Variants in UNC5C observed in about 807,000 individuals in gnomAD.
UNC5C encodes the protein netrin receptor UNC5C.
In UNC5C, 47 loss-of-function variants were observed where a neutral mutation model predicts 99.8. The ratio of observed to expected loss-of-function variants is 0.47; its 90% CI spans 0.37 to 0.60. The LOEUF is 0.60. Among genes scored for constraint, UNC5C ranks in the 20% least tolerant of loss-of-function variants. The pLI is 0.00. For missense variants in UNC5C, 1,062 were observed against 1,165.9 expected, an observed-to-expected ratio of 0.91 and a Z score of 1.30; for synonymous variants, 487 against 452.2, an observed-to-expected ratio of 1.08 and a Z score of -0.98.
At chr4:95,275,842 G>T (rs1452489553) in intron 4 of UNC5C, among the ~76,000 whole-genome samples, 2 of 152,090 alleles carry the variant, frequency 1.3e-5, no homozygotes, top group African/African-American at 4.8e-5. Context: ...AACATATTTT[G>T]CCTGACTCTT....
chr4:95,258,838 T>G (rs1007751573), intron 4 of UNC5C, among the ~76,000 whole-genome samples: 1 of 138,046 alleles, frequency 7.2e-6, no homozygotes, highest in African/African-American at 2.6e-5. Flanking sequence ...CTCGGCTCAC[T>G]GCAAGCTCCG....
chr4:95,542,095 C>T (rs767313584), intron 1 of UNC5C, among the ~76,000 whole-genome samples: 4 of 152,088 alleles, frequency 2.6e-5, no homozygotes, highest in African/African-American at 7.2e-5. Context: ...ATAAAACCCC[C>T]TATCCTCACA....
chr4:95,251,500 T>G (rs528127841), intron 4 of UNC5C, among the ~76,000 whole-genome samples: 3 of 152,234 alleles, frequency 2.0e-5, no homozygotes, highest in Non-Finnish European at 4.4e-5. Flanking sequence ...TTATACTTGC[T>G]GAATAAAAAG....
intron 1 of UNC5C, among the ~76,000 whole-genome samples, chr4:95,425,916 T>C (rs1284522801): frequency 6.6e-6 from 1 of 152,014 alleles, no homozygotes; most frequent in Admixed American, 6.6e-5. Flanking sequence ...CTTCAAAGAG[T>C]TTTTTAATAA....
At chr4:95,288,063 ATTATTTAT>A (rs373317999) in intron 3 of UNC5C, among the ~76,000 whole-genome samples, 5 of 143,176 alleles carry the variant, frequency 3.5e-5, no homozygotes, top group South Asian at 2.3e-4. Flanking sequence ...CACTTTACAG[ATTATTTAT>A]TTATTTATTT....
intron 7 of UNC5C, among the ~76,000 whole-genome samples, chr4:95,224,288 TAAAA>T (rs1353539488): frequency 6.6e-6 from 1 of 151,990 alleles, no homozygotes; most frequent in Admixed American, 6.6e-5. Flanking sequence ...TCTCAAAAAA[TAAAA>T]AGAAAAGAAT....
chr4:95,278,664 G>C (rs1280985690), intron 3 of UNC5C, among the ~76,000 whole-genome samples: 3 of 151,776 alleles, frequency 2.0e-5, no homozygotes, highest in Non-Finnish European at 2.9e-5. Flanking sequence ...ATTTTTTGTA[G>C]AGATAGAGTC....
At chr4:95,399,481 A>G (rs1438567369) in intron 1 of UNC5C, among the ~76,000 whole-genome samples, 1 of 152,192 alleles carries the variant, frequency 6.6e-6, no homozygotes, top group Non-Finnish European at 1.5e-5. Flanking sequence ...ATGGATTCCC[A>G]TGCAGTTAGG....
At chr4:95,203,494 GA>G (rs1737765141) in intron 11 of UNC5C, among the ~76,000 whole-genome samples, 1 of 151,852 alleles carries the variant, frequency 6.6e-6, no homozygotes, top group Non-Finnish European at 1.5e-5. Flanking sequence ...ATTGAAACAG[GA>G]GTCTCACTCT....
chr4:95,512,128 C>T (rs1305946910), intron 1 of UNC5C, among the ~76,000 whole-genome samples: 1 of 152,020 alleles, frequency 6.6e-6, no homozygotes, highest in African/African-American at 2.4e-5. Context: ...CTGGCATGCC[C>T]CATTCCTACA....
At chr4:95,351,508 T>C (rs1182917663) in intron 1 of UNC5C, among the ~76,000 whole-genome samples, 2 of 151,990 alleles carry the variant, frequency 1.3e-5, no homozygotes, top group Non-Finnish European at 2.9e-5. Context: ...TAAGTACAGA[T>C]CCAGTTCCCA....
intron 1 of UNC5C, among the ~76,000 whole-genome samples, chr4:95,527,543 A>G (rs1480032911): frequency 6.6e-6 from 1 of 152,108 alleles, no homozygotes; most frequent in African/African-American, 2.4e-5. Flanking sequence ...TTATGTTGCT[A>G]TCATATAGCT....
At chr4:95,338,857 G>A (rs1743447142) in intron 1 of UNC5C, among the ~76,000 whole-genome samples, 1 of 151,958 alleles carries the variant, frequency 6.6e-6, no homozygotes, top group Non-Finnish European at 1.5e-5. Context: ...AAACAGGACT[G>A]GCTACAAAAT....
rs114846328 is a variant in UNC5C at position 95,220,807 on chromosome 4, C to T, written c.1109-631G>A. On this transcript the variant is annotated intron_variant, in intron 7 of 15. Transcript: ENST00000453304. ...GGGGGACAGAGGTTAATGCTGATAA[C>T]CTTCTCTAAGTCCAGGCTTTGATAC... 6.1e-3 allele frequency among the ~76,000 whole-genome samples: 926 copies of T among 152,292 alleles called. 12 individuals carry two copies. The highest frequency in any genetic ancestry group is 0.021 in the African/African-American group (880 of 41,548).
chr4:95,436,696 A>C (rs2149462059), intron 1 of UNC5C, among the ~76,000 whole-genome samples: 1 of 152,124 alleles, frequency 6.6e-6, no homozygotes, highest in African/African-American at 2.4e-5. Flanking sequence ...ATATAAGAAT[A>C]ATGCTAGTCA....
intron 15 of UNC5C, 27 bp downstream of exon 15, chr4:95,170,127 C>G: frequency 1.2e-6 from 2 of 1,603,418 alleles, no homozygotes; most frequent in Non-Finnish European, 1.7e-6. Flanking sequence ...CAGAAAGAAG[C>G]TAGTCTTGGG....
intron 1 of UNC5C, among the ~76,000 whole-genome samples, chr4:95,338,993 C>A (rs1743454065): frequency 6.6e-6 from 1 of 151,958 alleles, no homozygotes; most frequent in Non-Finnish European, 1.5e-5. Flanking sequence ...GGTCACATAC[C>A]CGTGAAACCA....
intron 1 of UNC5C, among the ~76,000 whole-genome samples, chr4:95,532,467 C>T (rs1167666761): frequency 7.4e-6 from 1 of 134,804 alleles, no homozygotes; most frequent in Non-Finnish European, 1.5e-5. Context: ...AAAAAAAAAT[C>T]CCGATTACAT....
intron 2 of UNC5C, among the ~76,000 whole-genome samples, chr4:95,329,791 T>C (rs1018889334): frequency 6.6e-6 from 1 of 152,184 alleles, no homozygotes; most frequent in African/African-American, 2.4e-5. Context: ...TTTCTTGCTT[T>C]GGATATTCAA....
Sources: gnomAD v4.1 joint callset for allele counts (sites outside exome capture counted in the v4.1 genomes callset) on GRCh38, gnomAD v4.1.1 for gene constraint, MANE v1.5 for transcripts, NCBI Gene and HGNC (gene_info 2026-07-23, HGNC 2026-07-21) for gene names.